Variants in NEK5 observed in about 807,000 individuals in gnomAD.
The protein encoded by NEK5 is NIMA related kinase 5, also known as serine/threonine-protein kinase Nek5.
NEK5 carries 88 observed loss-of-function variants against 109.2 expected under a neutral mutation model. The ratio of observed to expected loss-of-function variants is 0.81; its 90% CI spans 0.68 to 0.96. The LOEUF is 0.96. NEK5 is among the 40% of genes least tolerant of loss of function. The pLI, the probability that NEK5 is intolerant of heterozygous loss-of-function variation, is 0.00. For missense variants in NEK5, 834 were observed against 920.7 expected (o/e 0.91, Z 1.22); for synonymous variants, 283 against 299.9 (o/e 0.94, Z 0.58).
At chr13:52,057,357 T>G (rs1406646765) in intron 22 of NEK5, among the ~76,000 whole-genome samples, 2 of 151,284 alleles carry the variant, frequency 1.3e-5, no homozygotes, top group African/African-American at 4.8e-5. Context: ...ACAGCCGAAT[T>G]CTACCAGAGG....
Position 52,034,881 on chromosome 13 carries a change from CTTTTTTTTT to C in NEK5, c.*2058_*2066del, listed in dbSNP as rs753180867. The stretch of plus-strand genomic sequence containing the variant: ...ACCATCCTTAAACATTCTTTTTTTT[CTTTTTTTTT>C]TTTTTTTTTGCCCTTAATTGACTTG... On this transcript the variant is annotated 3_prime_UTR_variant, in exon 24 of 24. Transcript: ENST00000684899. The C allele has an allele frequency of 2.0e-5, 2 of 102,534 alleles. No individual in the cohort carries two copies. Among genetic ancestry groups the C allele is most frequent in the Non-Finnish European group, 3.8e-5 (2 of 53,146 alleles). The allele number at this position is 102,534 out of a possible 1,614,324, so 6.4% of individuals were successfully genotyped here.
chr13:52,049,192 G>A (rs985184678), intron 23 of NEK5, among the ~76,000 whole-genome samples: 1 of 152,082 alleles, frequency 6.6e-6, no homozygotes, highest in African/African-American at 2.4e-5. Flanking sequence ...GGTGGCCAAG[G>A]TGGGAGGACA....
chr13:52,119,917 A>G (rs967246143), intron 3 of NEK5, among the ~76,000 whole-genome samples: 11 of 152,202 alleles, frequency 7.2e-5, no homozygotes, highest in Non-Finnish European at 1.5e-4. Flanking sequence ...TTTTAGAAGT[A>G]TTTGGGTGTA....
chr13:52,058,762 G>C (rs1202897544), intron 22 of NEK5, among the ~76,000 whole-genome samples: 1 of 152,202 alleles, frequency 6.6e-6, no homozygotes, highest in Non-Finnish European at 1.5e-5. Flanking sequence ...GTAGAAAGCT[G>C]AAACTGGATC....
At chr13:52,095,985 G>A (rs1955406625) in intron 12 of NEK5, among the ~76,000 whole-genome samples, 1 of 152,110 alleles carries the variant, frequency 6.6e-6, no homozygotes, top group South Asian at 2.1e-4. Context: ...TTGTGATAGT[G>A]AGTGAGTTTT....
chr13:52,079,669 G>A (rs1165278162), intron 17 of NEK5, among the ~76,000 whole-genome samples: 5 of 152,282 alleles, frequency 3.3e-5, no homozygotes, highest in Non-Finnish European at 7.3e-5. Flanking sequence ...CCTCCCACCC[G>A]CCTGCCTTGG....
At chr13:52,116,922 CTTTT>C (rs879560785) in intron 4 of NEK5, among the ~76,000 whole-genome samples, 1 of 143,934 alleles carries the variant, frequency 6.9e-6, no homozygotes, top group African/African-American at 2.5e-5. Context: ...ATCCTATTTT[CTTTT>C]TTTTTTTTTG....
intron 13 of NEK5, among the ~76,000 whole-genome samples, chr13:52,091,323 T>C (rs1444678932): frequency 6.6e-6 from 1 of 152,222 alleles, no homozygotes; most frequent in African/African-American, 2.4e-5. Flanking sequence ...CCAGTTCTTC[T>C]GTAAAATCTA....
intron 23 of NEK5, among the ~76,000 whole-genome samples, chr13:52,038,754 G>A (rs1954388048): frequency 1.5e-5 from 2 of 137,094 alleles, no homozygotes; most frequent in African/African-American, 5.3e-5. Context: ...GAGCCCAGGA[G>A]TTTACAGTTG....
At chr13:52,125,391 G>A (rs1478942179) in intron 3 of NEK5, among the ~76,000 whole-genome samples, 1 of 152,080 alleles carries the variant, frequency 6.6e-6, no homozygotes, top group Non-Finnish European at 1.5e-5. Flanking sequence ...GTGAAACCCC[G>A]TCTCTACTAA....
chr13:52,055,169 C>T (rs373076191), intron 22 of NEK5, among the ~76,000 whole-genome samples: 97 of 152,080 alleles, frequency 6.4e-4, no homozygotes, highest in Non-Finnish European at 1.2e-3. Flanking sequence ...CCTCAGGAGC[C>T]GATGCGATCA....
chr13:52,116,178 CAAAAAA>C (rs35020086), intron 4 of NEK5, among the ~76,000 whole-genome samples: 4 of 115,944 alleles, frequency 3.4e-5, no homozygotes, highest in South Asian at 6.2e-4. Context: ...AAGACTGTCT[CAAAAAA>C]AAAAAAAAAA....
intron 16 of NEK5, among the ~76,000 whole-genome samples, 156 bp from the exon 17 acceptor site, chr13:52,083,508 C>T (rs79189962): frequency 6.4e-4 from 98 of 152,148 alleles, no homozygotes; most frequent in African/African-American, 2.0e-3. Flanking sequence ...AATCCTTCCT[C>T]CATAGCCTCT....
chr13:52,110,431 A>C (rs1211061113), intron 6 of NEK5, 21 bp from the exon 7 acceptor site: 1 of 1,609,464 alleles, frequency 6.2e-7, no homozygotes, highest in African/African-American at 1.3e-5. Flanking sequence ...AGAAAATGTC[A>C]TGTTGTTTGA....
In NEK5 at chr13:52,110,481, TCTGAG is replaced by T. The variant is rs1354446050; in HGVS notation, c.396+8_396+12del. 5.0e-6 allele frequency: 8 copies of T among 1,604,248 alleles called. No individual in the cohort carries two copies. Among genetic ancestry groups the T allele is most frequent in the Non-Finnish European group, 6.8e-6 (8 of 1,171,284 alleles). ...AGATCAGTTCTGTCTTAGTCTTCTC[TCTGAG>T]CTGTTACCTGAGCTTTTATGTCCCT... is the stretch of plus-strand genomic sequence containing the variant. On this transcript the variant is annotated splice_region_variant and intron_variant, in intron 6 of 23. Coordinates refer to ENST00000684899, the MANE Select transcript of NEK5 (RefSeq NM_001365552.1).
At chr13:52,077,995 A>C (rs1356643446) in intron 17 of NEK5, among the ~76,000 whole-genome samples, 1 of 152,094 alleles carries the variant, frequency 6.6e-6, no homozygotes, top group East Asian at 1.9e-4. Context: ...AATCACTTGA[A>C]TCCAGCAGGC....
At chr13:52,052,534 A>G (rs1002650646) in intron 22 of NEK5, among the ~76,000 whole-genome samples, 1 of 152,194 alleles carries the variant, frequency 6.6e-6, no homozygotes, top group African/African-American at 2.4e-5. Context: ...GCACAGACTC[A>G]TGGTGTTTCC....
At chr13:52,065,730 A>G in intron 20 of NEK5, 121 bp from the exon 21 acceptor site, 1 of 660,774 alleles carries the variant, frequency 1.5e-6, no homozygotes, top group Non-Finnish European at 2.7e-6. Context: ...CAGAAAAATG[A>G]CCACCCTTGT....
In NEK5 at chr13:52,079,471, C is replaced by T. The variant is rs373315457; in HGVS notation, c.1573-3328G>A. 0.016 allele frequency among the ~76,000 whole-genome samples: 2,449 copies of T among 152,298 alleles called. 107 individuals are homozygous for T. The East Asian group carries it at 0.17, about 11-fold the overall frequency. On this transcript the variant is annotated intron_variant, in intron 17 of 23. Transcript: ENST00000684899. ...CGCACCGCCACGCCTGACTGGTTTT[C>T]GTATTTTTTTGGTGGAGACGGGGTT...
Sources: gnomAD v4.1 joint callset for allele counts (sites outside exome capture counted in the v4.1 genomes callset) on GRCh38, gnomAD v4.1.1 for gene constraint, MANE v1.5 for transcripts, NCBI Gene and HGNC (gene_info 2026-07-23, HGNC 2026-07-21) for gene names.